The following PRIMA1 variants were observed in gnomAD, a reference collection of about 807,000 sequenced individuals.
The protein encoded by PRIMA1 is proline-rich membrane anchor 1.
In PRIMA1, 7 loss-of-function variants were observed where a neutral mutation model predicts 17.5. That is an observed-to-expected ratio of 0.40 (90% CI 0.23 to 0.75). PRIMA1 has a LOEUF of 0.75. Among genes scored for constraint, PRIMA1 ranks in the 30% least tolerant of loss-of-function variants. The probability of loss-of-function intolerance (pLI) is 0.37; values close to 1 mark genes in which losing one functional copy is unlikely to be tolerated. For synonymous variants in PRIMA1, 97 were observed against 77.9 expected, an observed-to-expected ratio of 1.25 and a Z score of -1.29; for missense variants, 200 against 201.8, an observed-to-expected ratio of 0.99 and a Z score of 0.05.
At chr14:93,754,805 C>T (rs750826018) in intron 3 of PRIMA1, among the ~76,000 whole-genome samples, 17 of 152,158 alleles carry the variant, frequency 1.1e-4, no homozygotes, top group African/African-American at 1.9e-4. Flanking sequence ...TCACCATAAT[C>T]GACTGTTCCA....
Position 93,746,224 on chromosome 14 carries a change from A to G in PRIMA1, c.230-8854T>C, listed in dbSNP as rs1220296292. The stretch of plus-strand genomic sequence containing the variant: ...TGGGGGCTCCTGGGAATGGTTTCCC[A>G]GCTCTTAAGGGAGATGCAGAGGAGG... On this transcript the variant is annotated intron_variant, in intron 3 of 4. Coordinates refer to ENST00000393140, the MANE Select transcript of PRIMA1 (RefSeq NM_178013.4). Among the ~76,000 whole-genome samples the G allele has an allele frequency of 4.6e-5, 7 of 152,122 alleles. No individual in the cohort carries two copies. The East Asian group carries it at 1.4e-3, about 29-fold the overall frequency.
intron 3 of PRIMA1, among the ~76,000 whole-genome samples, chr14:93,752,087 A>AG (rs2076263312): frequency 6.6e-6 from 1 of 152,144 alleles, no homozygotes; most frequent in African/African-American, 2.4e-5. Flanking sequence ...CTCTTTCCAG[A>AG]AAGGCAGCCA....
intron 4 of PRIMA1, among the ~76,000 whole-genome samples, chr14:93,728,042 G>A (rs1050657211): frequency 1.3e-5 from 2 of 152,210 alleles, no homozygotes; most frequent in Non-Finnish European, 2.9e-5. Flanking sequence ...AGCAAACAAG[G>A]AGGCTGAGGG....
At chr14:93,751,008 C>T (rs546746089) in intron 3 of PRIMA1, among the ~76,000 whole-genome samples, 3 of 152,352 alleles carry the variant, frequency 2.0e-5, no homozygotes, top group East Asian at 1.9e-4. Flanking sequence ...AAAGCACTTA[C>T]ATTTTACAAG....
At chr14:93,778,346 T>C (rs543152726) in intron 3 of PRIMA1, among the ~76,000 whole-genome samples, 1 of 152,298 alleles carries the variant, frequency 6.6e-6, no homozygotes, top group Admixed American at 6.5e-5. Context: ...TCACACAAAT[T>C]GCAAAGATCC....
intron 3 of PRIMA1, among the ~76,000 whole-genome samples, chr14:93,757,092 G>T (rs1187492571): frequency 6.6e-6 from 1 of 152,156 alleles, no homozygotes; most frequent in Non-Finnish European, 1.5e-5. Context: ...AACCCTTGTA[G>T]GGAAGAATCT....
At chr14:93,723,900 CT>C (rs1197879917) in intron 4 of PRIMA1, among the ~76,000 whole-genome samples, 1 of 152,092 alleles carries the variant, frequency 6.6e-6, no homozygotes, top group African/African-American at 2.4e-5. Context: ...ATTATTGTTA[CT>C]ACTATTTTGG....
At chr14:93,764,277 C>T (rs1884821305) in intron 3 of PRIMA1, among the ~76,000 whole-genome samples, 1 of 149,972 alleles carries the variant, frequency 6.7e-6, no homozygotes, top group South Asian at 2.2e-4. Flanking sequence ...AGCCCTTCTT[C>T]CCCTCCCCCA....
At chr14:93,772,780 C>A (rs1885105909) in intron 3 of PRIMA1, among the ~76,000 whole-genome samples, 1 of 152,208 alleles carries the variant, frequency 6.6e-6, no homozygotes. Flanking sequence ...GTCTACACCT[C>A]CTTCGAGAGC....
intron 3 of PRIMA1, among the ~76,000 whole-genome samples, chr14:93,772,408 G>A (rs1254562850): frequency 6.6e-6 from 1 of 152,250 alleles, no homozygotes; most frequent in Non-Finnish European, 1.5e-5. Flanking sequence ...GCTATTTTTG[G>A]CCCCGTCAGC....
chr14:93,730,065 A>G lies in PRIMA1; in HGVS notation c.359+7176T>C, dbSNP rs919580418. 2.6e-5 allele frequency among the ~76,000 whole-genome samples: 4 copies of G among 152,314 alleles called. No homozygotes were observed. The South Asian group carries it at 8.3e-4, about 32-fold the overall frequency. On this transcript the variant is annotated intron_variant, in intron 4 of 4. Coordinates refer to ENST00000393140, the MANE Select transcript of PRIMA1 (RefSeq NM_178013.4). ...ATGAGTTTACTGCAATTCTAAATAG[A>G]GTCTGTCAGTTTAAAAGGTGGACTC...
chr14:93,760,410 C>T lies in PRIMA1; in HGVS notation c.229+18766G>A, dbSNP rs1369082946. The stretch of plus-strand genomic sequence containing the variant: ...GTTCCCCAAAACCTCCTATACCACC[C>T]GTCTTCGTGAATGCCATTTCTTCTA... On this transcript the variant is annotated intron_variant, in intron 3 of 4. Coordinates refer to ENST00000393140, the MANE Select transcript of PRIMA1 (RefSeq NM_178013.4). 4.6e-5 allele frequency among the ~76,000 whole-genome samples: 7 copies of T among 152,146 alleles called. No homozygotes were observed. The East Asian group carries it at 7.7e-4, about 17-fold the overall frequency.
In PRIMA1 at chr14:93,783,154, G is replaced by A. The variant is rs539463904; in HGVS notation, c.94-3843C>T. 5.9e-5 allele frequency among the ~76,000 whole-genome samples: 9 copies of A among 152,328 alleles called. No individual in the cohort carries two copies. The South Asian group carries it at 1.7e-3, about 28-fold the overall frequency. On this transcript the variant is annotated intron_variant, in intron 2 of 4. Coordinates refer to ENST00000393140, the MANE Select transcript of PRIMA1 (RefSeq NM_178013.4). ...TGTGTCTGTCTACACTAAGTTGTGA[G>A]TGTCTTAGGGCGGGCAGGTAGATGA...
At chr14:93,761,645 C>T (rs762908244) in intron 3 of PRIMA1, among the ~76,000 whole-genome samples, 3 of 152,152 alleles carry the variant, frequency 2.0e-5, no homozygotes, top group Non-Finnish European at 4.4e-5. Flanking sequence ...CATGCCTTCT[C>T]TATGGAAGGT....
intron 4 of PRIMA1, among the ~76,000 whole-genome samples, chr14:93,734,399 G>T (rs1169060654): frequency 6.6e-6 from 1 of 152,160 alleles, no homozygotes; most frequent in Non-Finnish European, 1.5e-5. Context: ...CCCCCTTCCT[G>T]CCTGTTTTGG....
At chr14:93,783,199 C>T (rs1243061030) in intron 2 of PRIMA1, among the ~76,000 whole-genome samples, 1 of 152,232 alleles carries the variant, frequency 6.6e-6, no homozygotes, top group Admixed American at 6.5e-5. Flanking sequence ...TAATCCTGAA[C>T]AATCATGACT....
At chr14:93,760,504 G>A (rs2076320194) in intron 3 of PRIMA1, among the ~76,000 whole-genome samples, 1 of 151,892 alleles carries the variant, frequency 6.6e-6, no homozygotes, top group South Asian at 2.1e-4. Context: ...TAACTTTCTC[G>A]GAGGCAGAGT....
chr14:93,743,978 C>T (rs2076200428), intron 3 of PRIMA1, among the ~76,000 whole-genome samples: 1 of 152,236 alleles, frequency 6.6e-6, no homozygotes, highest in African/African-American at 2.4e-5. Flanking sequence ...GCTGAAGCGC[C>T]CGCTGGTTTT....
chr14:93,773,790 G>A (rs971809703), intron 3 of PRIMA1, among the ~76,000 whole-genome samples: 2 of 152,156 alleles, frequency 1.3e-5, no homozygotes, highest in Admixed American at 6.5e-5. Context: ...AGGGAAGTCA[G>A]GACTCTCAAA....
Sources: gnomAD v4.1 joint callset for allele counts (sites outside exome capture counted in the v4.1 genomes callset) on GRCh38, gnomAD v4.1.1 for gene constraint, MANE v1.5 for transcripts, NCBI Gene and HGNC (gene_info 2026-07-23, HGNC 2026-07-21) for gene names.